The following ZNF248 variants were observed in gnomAD, a reference collection of about 807,000 sequenced individuals.
ZNF248 encodes KRAB protein domain.
A neutral mutation model predicts 44.3 loss-of-function variants in ZNF248; 20 were observed. The observed-to-expected ratio is 0.45, with a 90% confidence interval of 0.32 to 0.66. The LOEUF is 0.66. Among genes scored for constraint, ZNF248 ranks in the 30% least tolerant of loss-of-function variants. The probability of loss-of-function intolerance (pLI) is 0.04; values close to 1 mark genes in which losing one functional copy is unlikely to be tolerated. For synonymous variants in ZNF248, 224 were observed against 229.0 expected (o/e 0.98, Z 0.20); for missense variants, 654 against 677.0 (o/e 0.97, Z 0.38).
chr10:37,825,584 T>C (rs1279524950), downstream of ZNF248, among the ~76,000 whole-genome samples: 2 of 152,008 alleles, frequency 1.3e-5, no homozygotes, highest in Non-Finnish European at 2.9e-5. Flanking sequence ...AGATTATGAG[T>C]GTGCACCACC....
chr10:37,786,463 T>C (rs1041675041), intron 6 of ZNF248, among the ~76,000 whole-genome samples: 1 of 152,106 alleles, frequency 6.6e-6, no homozygotes, highest in African/African-American at 2.4e-5. Flanking sequence ...TACTATTTAG[T>C]TCCAAGACAA....
chr10:37,801,276 T>G (rs2049790025), intron 6 of ZNF248, among the ~76,000 whole-genome samples: 2 of 151,830 alleles, frequency 1.3e-5, no homozygotes, highest in African/African-American at 4.8e-5. Flanking sequence ...CTCAGGAGGC[T>G]GAGGCACGAG....
chr10:37,844,315 A>G (rs943912056), intron 3 of ZNF248, among the ~76,000 whole-genome samples: 1 of 152,234 alleles, frequency 6.6e-6, no homozygotes, highest in African/African-American at 2.4e-5. Context: ...GATAAAAGCC[A>G]AGAGAACTCA....
intron 5 of ZNF248, 48 bp downstream of exon 5, chr10:37,837,568 TA>T: frequency 3.3e-6 from 5 of 1,495,172 alleles, no homozygotes; most frequent in Non-Finnish European, 4.6e-6. Context: ...ACCAATTACC[TA>T]AGTTCTAATT....
At chr10:37,857,692 A>G (rs1248674298), upstream of ZNF248, 1 of 152,192 alleles carries the variant, frequency 6.6e-6, no homozygotes, top group Non-Finnish European at 1.5e-5. Flanking sequence ...CAAACGTCAC[A>G]CGCTACGCAC....
intron 5 of ZNF248, among the ~76,000 whole-genome samples, chr10:37,835,429 A>G (rs560186161): frequency 6.6e-6 from 1 of 152,322 alleles, no homozygotes; most frequent in Non-Finnish European, 1.5e-5. Context: ...TGTGTAGCTC[A>G]GATTGTTATT....
At chr10:37,856,073 GAAC>G (rs1340644370) in intron 3 of ZNF248, among the ~76,000 whole-genome samples, 3 of 152,248 alleles carry the variant, frequency 2.0e-5, no homozygotes, top group East Asian at 3.9e-4. Context: ...ATTGTTACTA[GAAC>G]AATTAGAGAT....
At position 37,830,732 on chromosome 10, in the gene ZNF248, G is replaced by T; in HGVS notation, c.*883C>A. ...AAGTCCAAGCTACCAAGACAGCACT[G>T]AATGTGGAGCTGGGAAGAGACAGAT... On this transcript the variant is annotated 3_prime_UTR_variant, in exon 6 of 6. Coordinates refer to ENST00000395867, the MANE Select transcript of ZNF248 (RefSeq NM_021045.3). The T allele has an allele frequency of 2.6e-6, 1 of 391,568 alleles. No individual in the cohort carries two copies. Among genetic ancestry groups the T allele is most frequent in the Non-Finnish European group, 3.5e-6 (1 of 287,024 alleles). The allele number at this position is 391,568 out of a possible 1,614,324, so 24.3% of individuals were successfully genotyped here.
At position 37,830,174 on chromosome 10, in the gene ZNF248, G is replaced by C; in HGVS notation, c.*1441C>G. 1 of 985,370 alleles carries C rather than the reference G, an allele frequency of 1.0e-6. No individual in the cohort carries two copies. The highest frequency in any genetic ancestry group is 1.2e-6 in the Non-Finnish European group (1 of 829,916). The allele number at this position is 985,370 out of a possible 1,614,324, so 61.0% of individuals were successfully genotyped here. Reference sequence around the variant, plus strand: ...TCATTACATACCGCCACTTTTTGAGGAGTGCAGTGTTACTGCTTGTTAACC... The same window carrying C: ...TCATTACATACCGCCACTTTTTGAGCAGTGCAGTGTTACTGCTTGTTAACC... On this transcript the variant is annotated 3_prime_UTR_variant, in exon 6 of 6. Coordinates refer to ENST00000395867, the MANE Select transcript of ZNF248 (RefSeq NM_021045.3).
chr10:37,828,500 T>C (rs1400994292), downstream of ZNF248, among the ~76,000 whole-genome samples: 5 of 152,264 alleles, frequency 3.3e-5, no homozygotes, highest in East Asian at 3.9e-4. Context: ...AATAAAAATA[T>C]TCTAGGAGGG....
chr10:37,818,520 G>T (rs755252262), intron 6 of ZNF248: 3 of 286,784 alleles, frequency 1.0e-5, no homozygotes, highest in Non-Finnish European at 2.1e-5. Flanking sequence ...GATCCATTCA[G>T]ATTCTCTACG....
At chr10:37,834,939 T>C (rs1008496270) in intron 5 of ZNF248, among the ~76,000 whole-genome samples, 1 of 152,188 alleles carries the variant, frequency 6.6e-6, no homozygotes, top group Non-Finnish European at 1.5e-5. Flanking sequence ...AGGGCTACAC[T>C]ATTATAGTCA....
At chr10:37,854,503 G>A (rs747107920) in intron 3 of ZNF248, among the ~76,000 whole-genome samples, 11 of 152,166 alleles carry the variant, frequency 7.2e-5, no homozygotes, top group Non-Finnish European at 1.5e-4. Context: ...GAAGAAAATC[G>A]CAGATGCAAA....
intron 3 of ZNF248, among the ~76,000 whole-genome samples, chr10:37,850,468 A>G (rs986297130): frequency 2.6e-5 from 4 of 152,230 alleles, no homozygotes; most frequent in African/African-American, 9.6e-5. Flanking sequence ...TATAAAAGGC[A>G]TAGGTGCTAA....
chr10:37,797,197 C>G (rs769774672), intron 6 of ZNF248, among the ~76,000 whole-genome samples: 2 of 152,094 alleles, frequency 1.3e-5, no homozygotes, highest in East Asian at 3.9e-4. Context: ...TTCAAAGTAT[C>G]TGGGGACGTA....
At chr10:37,853,240 T>A (rs1394672617) in intron 3 of ZNF248, among the ~76,000 whole-genome samples, 2 of 151,852 alleles carry the variant, frequency 1.3e-5, no homozygotes, top group Non-Finnish European at 2.9e-5. Context: ...CCAAACCAAG[T>A]TATATTAAGT....
chr10:37,829,544 C>A lies in ZNF248; in HGVS notation c.*2071G>T, dbSNP rs1002419705. 1 of 985,224 alleles carries A rather than the reference C, an allele frequency of 1.0e-6. No individual in the cohort carries two copies. The allele number at this position is 985,224 out of a possible 1,614,324, so 61.0% of individuals were successfully genotyped here. A position where few individuals can be genotyped will look rare whatever the true frequency, so the allele number is the denominator to read the frequency against. ...AATGCCTTCAGCTCTAAGTATCAGA[C>A]AGCCCTAAGACCAAATAAAAAACAG... On this transcript the variant is annotated 3_prime_UTR_variant, in exon 6 of 6. Transcript: ENST00000395867.
intron 3 of ZNF248, among the ~76,000 whole-genome samples, chr10:37,852,010 G>C (rs2134795615): frequency 6.6e-6 from 1 of 152,258 alleles, no homozygotes; most frequent in Middle Eastern, 3.4e-3. Flanking sequence ...CACTCTGGGA[G>C]GCTGAGGTGG....
the ZNF248 span, among the ~76,000 whole-genome samples, chr10:37,764,980 T>G: frequency 6.6e-6 from 1 of 152,102 alleles, no homozygotes; most frequent in Non-Finnish European, 1.5e-5. Flanking sequence ...TTTCTTTTTT[T>G]GAGAGAATCC....
Sources: gnomAD v4.1 joint callset for allele counts (sites outside exome capture counted in the v4.1 genomes callset) on GRCh38, gnomAD v4.1.1 for gene constraint, MANE v1.5 for transcripts, NCBI Gene and HGNC (gene_info 2026-07-23, HGNC 2026-07-21) for gene names.